Variants in OIT3 observed in about 807,000 individuals in gnomAD.
OIT3 encodes oncoprotein induced transcript 3.
In OIT3, 41 loss-of-function variants were observed where a neutral mutation model predicts 52.2. The ratio of observed to expected loss-of-function variants is 0.79; its 90% confidence interval spans 0.61 to 1.02. OIT3 has a LOEUF of 1.02. Ranked by LOEUF, OIT3 falls within the 50% of genes least tolerant of loss-of-function variation. The pLI is 0.00. For missense variants in OIT3, 634 were observed against 715.5 expected, an observed-to-expected ratio of 0.89 and a Z score of 1.30; for synonymous variants, 244 against 276.9, an observed-to-expected ratio of 0.88 and a Z score of 1.18.
At chr10:72,896,293 A>T (rs936165685) in intron 1 of OIT3, among the ~76,000 whole-genome samples, 2 of 152,212 alleles carry the variant, frequency 1.3e-5, no homozygotes, top group Non-Finnish European at 2.9e-5. Flanking sequence ...AAATATTTCT[A>T]TGACTCTGTA....
chr10:72,931,727 A>AGAT (rs1324758155), intron 8 of OIT3, among the ~76,000 whole-genome samples: 2 of 152,228 alleles, frequency 1.3e-5, no homozygotes, highest in Non-Finnish European at 2.9e-5. Flanking sequence ...TAATGTAGTG[A>AGAT]GATAAGCTGG....
At chr10:72,930,683 T>G in intron 8 of OIT3, 46 bp downstream of exon 8, 1 of 895,702 alleles carries the variant, frequency 1.1e-6, no homozygotes, top group Non-Finnish European at 1.6e-6. Context: ...CTGAGCCTTT[T>G]TTTTTTTTTT....
chr10:72,920,157 G>A (rs1846109428), intron 6 of OIT3, among the ~76,000 whole-genome samples: 1 of 151,742 alleles, frequency 6.6e-6, no homozygotes. Flanking sequence ...TCACAGTCTT[G>A]GGAGGGTGTA....
At chr10:72,917,856 G>C (rs930268842) in intron 6 of OIT3, 2 of 1,299,924 alleles carry the variant, frequency 1.5e-6, no homozygotes, top group Admixed American at 1.7e-5. Flanking sequence ...TTGTCCTTTT[G>C]ATCTTGGTGT....
chr10:72,906,346 C>T (rs1318200822), intron 3 of OIT3, among the ~76,000 whole-genome samples: 2 of 152,092 alleles, frequency 1.3e-5, no homozygotes, highest in Non-Finnish European at 2.9e-5. Context: ...TTCATTTTCC[C>T]ATTGTTTTTC....
At position 72,930,651 on chromosome 10, in the gene OIT3, CTTTAA is replaced by C. The variant is rs1473397500; in HGVS notation, c.1467+19_1467+23del. ...AAAGACCACAAGGTGAGTTGAACAT[CTTTAA>C]TTTATAACCCCTGAACCTGAGCCTT... On this transcript the variant is annotated intron_variant, in intron 8 of 8. Transcript: ENST00000334011. The C allele has an allele frequency of 3.7e-6, 4 of 1,066,798 alleles. No individual in the cohort carries two copies. The highest frequency in any genetic ancestry group is 2.5e-5 in the East Asian group (1 of 40,050). 66.1% of individuals were successfully genotyped at this position (1,066,798 alleles called of 1,614,324 possible).
At chr10:72,911,616 G>C in intron 4 of OIT3, 101 bp from the exon 5 acceptor site, 1 of 1,244,960 alleles carries the variant, frequency 8.0e-7, no homozygotes, top group Non-Finnish European at 1.1e-6. Flanking sequence ...AGGCACCAGG[G>C]ATGCTGCCAT....
At chr10:72,916,450 T>C (rs1846073671) in intron 6 of OIT3, among the ~76,000 whole-genome samples, 1 of 152,202 alleles carries the variant, frequency 6.6e-6, no homozygotes, top group Non-Finnish European at 1.5e-5. Flanking sequence ...CCTGTGTTAG[T>C]TGGCTAAGGA....
chr10:72,929,821 G>A (rs1846200542), intron 7 of OIT3, among the ~76,000 whole-genome samples: 1 of 152,170 alleles, frequency 6.6e-6, no homozygotes, highest in Admixed American at 6.6e-5. Context: ...GGGATTACAG[G>A]CGTGAGCCAC....
chr10:72,918,550 A>G (rs1367783103), intron 6 of OIT3: 6 of 1,247,536 alleles, frequency 4.8e-6, no homozygotes, highest in Non-Finnish European at 7.0e-6. Flanking sequence ...GGCGGCACAC[A>G]CTTAGGTGGG....
intron 6 of OIT3, chr10:72,918,591 G>A: frequency 3.8e-6 from 3 of 797,646 alleles, no homozygotes; most frequent in South Asian, 1.4e-5. Flanking sequence ...AACCACCACT[G>A]CTCAAGAGAA....
At chr10:72,899,141 A>C in intron 2 of OIT3, 103 bp downstream of exon 2, 18 of 992,784 alleles carry the variant, frequency 1.8e-5, no homozygotes, top group Middle Eastern at 3.0e-4. Context: ...ACTATATCTC[A>C]ATCTGAACAA....
At position 72,911,828 on chromosome 10, in the gene OIT3, A is replaced by G. The variant is rs775399907; in HGVS notation, c.779A>G (p.His260Arg). ...PRGLVLSEDN[H>R]TCQVPVLCKS... ...GGCCTGGTGCTGTCTGAGGATAACC[A>G]CACTTGCCAAGGTAGTACATGGGGC... Residue 260 changes from histidine to arginine, a missense_variant, in exon 5 of 9, where the codon CAC becomes CGC. Physicochemically the swap from His to Arg is conservative, Grantham distance 29 (BLOSUM62 0). Coordinates refer to ENST00000334011, the MANE Select transcript of OIT3 (RefSeq NM_152635.3). The G allele has an allele frequency of 6.2e-7, 1 of 1,613,356 alleles. No individual in the cohort carries two copies. The highest frequency in any genetic ancestry group is 1.7e-5 in the Admixed American group (1 of 59,930).
intron 4 of OIT3, among the ~76,000 whole-genome samples, chr10:72,908,584 A>G (rs1235900159): frequency 2.0e-5 from 3 of 152,184 alleles, no homozygotes; most frequent in Admixed American, 1.3e-4. Context: ...TGTATTTTAA[A>G]CTTTATTGAA....
intron 1 of OIT3, among the ~76,000 whole-genome samples, chr10:72,895,452 A>G (rs897530157): frequency 5.3e-5 from 8 of 152,146 alleles, no homozygotes; most frequent in Non-Finnish European, 1.0e-4. Context: ...TAAAGGGGGA[A>G]CTTTGGGAAC....
chr10:72,928,872 T>A (rs1220252884), intron 7 of OIT3, among the ~76,000 whole-genome samples: 2 of 152,144 alleles, frequency 1.3e-5, no homozygotes, highest in African/African-American at 4.8e-5. Context: ...TTTTTTGGAT[T>A]TTTTTAGGTG....
intron 7 of OIT3, among the ~76,000 whole-genome samples, chr10:72,927,339 C>T (rs1407644149): frequency 1.3e-5 from 2 of 152,048 alleles, no homozygotes; most frequent in African/African-American, 4.8e-5. Flanking sequence ...GGGGTTTCGC[C>T]GTGTTGGCCA....
At chr10:72,908,907 G>A (rs990085152) in intron 4 of OIT3, among the ~76,000 whole-genome samples, 6 of 146,604 alleles carry the variant, frequency 4.1e-5, no homozygotes, top group African/African-American at 1.5e-4. Context: ...ATAATTATAT[G>A]TTCTTTTTTT....
At chr10:72,897,434 G>A (rs2132921593) in intron 1 of OIT3, among the ~76,000 whole-genome samples, 1 of 152,268 alleles carries the variant, frequency 6.6e-6, no homozygotes. Context: ...TTGGCTATAT[G>A]ACAGCTAGGA....
Sources: allele counts gnomAD v4.1 joint callset (sites outside exome capture counted in the v4.1 genomes callset), GRCh38; gene constraint gnomAD v4.1.1; transcripts MANE v1.5; gene names NCBI Gene and HGNC (gene_info 2026-07-23, HGNC 2026-07-21).